ENAH: variants seen among roughly 807,000 people sequenced by gnomAD.
The protein encoded by ENAH is ENAH actin regulator.
Under a neutral mutation model 78.7 loss-of-function variants are expected in ENAH, and 23 were observed. That is an observed-to-expected ratio of 0.29 (90% CI 0.21 to 0.41). The LOEUF is 0.41. Among genes scored for constraint, ENAH ranks in the 10% least tolerant of loss-of-function variants. The pLI, the probability that ENAH is intolerant of heterozygous loss-of-function variation, is 1.00. For missense variants in ENAH, 544 were observed against 691.0 expected, an observed-to-expected ratio of 0.79 and a Z score of 2.39; for synonymous variants, 226 against 241.0, an observed-to-expected ratio of 0.94 and a Z score of 0.58.
chr1:225,649,484 C>T (rs1296696115), intron 1 of ENAH, among the ~76,000 whole-genome samples: 6 of 151,980 alleles, frequency 3.9e-5, no homozygotes, highest in South Asian at 2.1e-4. Flanking sequence ...TGCATACAAA[C>T]GCATTCACAT....
intron 3 of ENAH, among the ~76,000 whole-genome samples, chr1:225,546,689 T>A (rs553784588): frequency 9.8e-5 from 15 of 152,332 alleles, no homozygotes; most frequent in African/African-American, 3.4e-4. Context: ...TCTGGAGGCC[T>A]AATTCAGTAG....
intron 1 of ENAH, among the ~76,000 whole-genome samples, chr1:225,640,893 C>CTTT (rs61440195): frequency 6.1e-5 from 8 of 130,966 alleles, no homozygotes; most frequent in African/African-American, 1.4e-4. Context: ...CAAGTACATA[C>CTTT]TTTTTTTTTT....
chr1:225,615,313 G>A lies in ENAH; in HGVS notation c.5+37373C>T, dbSNP rs550413099. ...GCCTGCCTCGGCCTCCCGAGGTGCC[G>A]GGATTGCAGACGGAGTCTCCCTCAC... is the stretch of plus-strand genomic sequence containing the variant. On this transcript the variant is annotated intron_variant, in intron 1 of 13. Transcript: ENST00000366843. Among the ~76,000 whole-genome samples, 51 of 152,348 alleles carry A rather than the reference G, an allele frequency of 3.3e-4. No homozygotes were observed. In the South Asian group the frequency reaches 8.5e-3, roughly 25 times the overall value.
chr1:225,643,599 A>T (rs1661458223), intron 1 of ENAH, among the ~76,000 whole-genome samples: 1 of 152,202 alleles, frequency 6.6e-6, no homozygotes, highest in South Asian at 2.1e-4. Context: ...AAGCAATGGA[A>T]TATTATGCAG....
At chr1:225,650,662 A>G (rs1193192841) in intron 1 of ENAH, among the ~76,000 whole-genome samples, 2 of 151,930 alleles carry the variant, frequency 1.3e-5, no homozygotes, top group African/African-American at 4.8e-5. Flanking sequence ...CATCCTGGCT[A>G]ACATGGTGAA....
At chr1:225,528,863 G>A (rs1165176068) in intron 4 of ENAH, among the ~76,000 whole-genome samples, 2 of 151,856 alleles carry the variant, frequency 1.3e-5, no homozygotes, top group Admixed American at 1.3e-4. Context: ...AACTATTGAT[G>A]GCAACTCCAT....
At chr1:225,541,933 G>C (rs1282957571) in intron 3 of ENAH, among the ~76,000 whole-genome samples, 1 of 152,148 alleles carries the variant, frequency 6.6e-6, no homozygotes, top group African/African-American at 2.4e-5. Context: ...CCAGACTGAA[G>C]TGCAATGGTG....
At chr1:225,524,381 A>C (rs986234167) in intron 4 of ENAH, among the ~76,000 whole-genome samples, 5 of 152,252 alleles carry the variant, frequency 3.3e-5, no homozygotes, top group Admixed American at 1.3e-4. Context: ...AACAAAATGA[A>C]GTAGGAACAG....
At chr1:225,618,458 C>T (rs1400959452) in intron 1 of ENAH, among the ~76,000 whole-genome samples, 5 of 152,130 alleles carry the variant, frequency 3.3e-5, no homozygotes, top group African/African-American at 1.2e-4. Flanking sequence ...CCTTTTTCTC[C>T]TCACCTCTCC....
chr1:225,571,190 T>C (rs1051803195), intron 1 of ENAH, among the ~76,000 whole-genome samples: 5 of 151,382 alleles, frequency 3.3e-5, no homozygotes, highest in East Asian at 2.0e-4. Context: ...CTGGCCAACA[T>C]AGTGAAACTG....
intron 10 of ENAH, among the ~76,000 whole-genome samples, chr1:225,509,021 T>C (rs993621949): frequency 1.3e-5 from 2 of 152,222 alleles, no homozygotes; most frequent in African/African-American, 4.8e-5. Context: ...ATGTGAAACC[T>C]TAAAGTCATT....
intron 6 of ENAH, 111 bp downstream of exon 6, chr1:225,517,085 A>T: frequency 1.2e-6 from 1 of 815,562 alleles, no homozygotes; most frequent in Non-Finnish European, 1.8e-6. Flanking sequence ...ATTATGGCAT[A>T]TAAATGTTCA....
At chr1:225,550,741 A>C (rs1054046749) in intron 3 of ENAH, among the ~76,000 whole-genome samples, 1 of 152,196 alleles carries the variant, frequency 6.6e-6, no homozygotes, top group Non-Finnish European at 1.5e-5. Flanking sequence ...TGTTCAATAG[A>C]TTAAAAAATA....
chr1:225,521,058 G>GCACA (rs1011660392), intron 4 of ENAH, among the ~76,000 whole-genome samples: 1 of 151,432 alleles, frequency 6.6e-6, no homozygotes, highest in Admixed American at 6.6e-5. Context: ...GCACGCGCGC[G>GCACA]CACACACACA....
intron 3 of ENAH, among the ~76,000 whole-genome samples, chr1:225,554,015 T>C (rs530547455): frequency 2.9e-4 from 44 of 152,230 alleles, no homozygotes; most frequent in Non-Finnish European, 5.4e-4. Context: ...CATTGTTTAA[T>C]GTATTTATAA....
rs1172534096 is a variant in ENAH, at chr1:225,488,624, TCA to T, written c.*9149_*9150del. The T allele has an allele frequency of 2.0e-5, 3 of 152,202 alleles. No homozygotes were observed. The highest frequency in any genetic ancestry group is 7.2e-5 in the African/African-American group (3 of 41,456). 9.4% of individuals were successfully genotyped at this position (152,202 alleles called of 1,614,324 possible). A position where few individuals can be genotyped will look rare whatever the true frequency, so the allele number is the denominator to read the frequency against. ...CAAAATAGAATTCTTTCTAGCTCATTCAGTTTTGTTAGAAACACTTCATGTTC... is the reference window on the plus strand; with the variant it reads ...CAAAATAGAATTCTTTCTAGCTCATTGTTTTGTTAGAAACACTTCATGTTC... On this transcript the variant is annotated 3_prime_UTR_variant, in exon 14 of 14. Transcript: ENST00000366843.
chr1:225,517,952 G>T, intron 5 of ENAH: 1 of 1,547,496 alleles, frequency 6.5e-7, no homozygotes, highest in Non-Finnish European at 8.7e-7. Context: ...GAATACTCAG[G>T]AAGTGGAGCG....
intron 1 of ENAH, among the ~76,000 whole-genome samples, chr1:225,576,565 G>A (rs1485860478): frequency 6.6e-6 from 1 of 152,134 alleles, no homozygotes; most frequent in Non-Finnish European, 1.5e-5. Flanking sequence ...TTATCTGCTG[G>A]GGCATGCTTT....
chr1:225,600,973 G>A (rs2096927688), intron 1 of ENAH, among the ~76,000 whole-genome samples: 1 of 151,964 alleles, frequency 6.6e-6, no homozygotes, highest in African/African-American at 2.4e-5. Flanking sequence ...ATTCTTAAAG[G>A]TCTGAAATTT....
Sources: allele counts gnomAD v4.1 joint callset (sites outside exome capture counted in the v4.1 genomes callset), GRCh38; gene constraint gnomAD v4.1.1; transcripts MANE v1.5; gene names NCBI Gene and HGNC (gene_info 2026-07-23, HGNC 2026-07-21).